Variants in HDGFL3 observed in about 807,000 individuals in gnomAD.
HDGFL3 encodes the protein HDGF like 3.
HDGFL3 carries 6 observed loss-of-function variants against 27.6 expected under a neutral mutation model. The ratio of observed to expected loss-of-function variants is 0.22; its 90% CI spans 0.12 to 0.43. The LOEUF is 0.43. HDGFL3 is among the 20% of genes least tolerant of loss of function. HDGFL3 has a pLI of 1.00. For missense variants in HDGFL3, 207 were observed against 250.1 expected (o/e 0.83, Z 1.16); for synonymous variants, 88 against 88.9 (o/e 0.99, Z 0.05).
chr15:83,127,560 G>A, downstream of HDGFL3: 1 of 1,491,598 alleles, frequency 6.7e-7, no homozygotes, highest in South Asian at 1.2e-5. Context: ...TCTGCTCAGT[G>A]TTTTAGACTA....
At chr15:83,124,664 T>C, downstream of HDGFL3, 1 of 1,612,676 alleles carries the variant, frequency 6.2e-7, no homozygotes, top group Non-Finnish European at 8.5e-7. Context: ...GTACAAACTC[T>C]ATTTTAGGTT....
chr15:83,151,508 G>T, intron 4 of HDGFL3, 147 bp from the exon 5 acceptor site: 1 of 626,116 alleles, frequency 1.6e-6, no homozygotes, highest in Non-Finnish European at 2.6e-6. Context: ...TGCCAAGGCT[G>T]AGCTAGGTGA....
At chr15:83,195,409 A>G (rs1435328891) in intron 1 of HDGFL3, among the ~76,000 whole-genome samples, 2 of 152,108 alleles carry the variant, frequency 1.3e-5, no homozygotes, top group Non-Finnish European at 2.9e-5. Context: ...GATACTGAAT[A>G]AATGTGTCTT....
exon 4 of HDGFL3, chr15:83,113,203 C>T: frequency 2.3e-6 from 1 of 444,372 alleles, no homozygotes; most frequent in South Asian, 2.4e-5. Flanking sequence ...CTAGCTCCTT[C>T]CTGGGCTTCC....
At chr15:83,112,926 T>C (rs747125199) in exon 4 of HDGFL3, 18 of 1,516,508 alleles carry the variant, frequency 1.2e-5, no homozygotes, top group Non-Finnish European at 1.5e-5. Context: ...GGGAAATCTT[T>C]TGTATCTGAT....
intron 1 of HDGFL3, among the ~76,000 whole-genome samples, chr15:83,189,130 C>T (rs1048919266): frequency 6.6e-6 from 1 of 152,128 alleles, no homozygotes; most frequent in Non-Finnish European, 1.5e-5. Context: ...CTATCTACTC[C>T]ACTATCATCC....
At chr15:83,187,570 G>C (rs1036516570) in intron 1 of HDGFL3, among the ~76,000 whole-genome samples, 1 of 152,140 alleles carries the variant, frequency 6.6e-6, no homozygotes, top group African/African-American at 2.4e-5. Context: ...CATTTACCTT[G>C]TTTTCAGTGC....
Position 83,136,774 on chromosome 15 carries a change from G to A in HDGFL3, c.*2496C>T. 4 of 994,698 alleles carry A rather than the reference G, an allele frequency of 4.0e-6. No homozygotes were observed. The highest frequency in any genetic ancestry group is 4.9e-5 in the East Asian group (2 of 40,430). The allele number at this position is 994,698 out of a possible 1,614,324, so 61.6% of individuals were successfully genotyped here. On this transcript the variant is annotated 3_prime_UTR_variant, in exon 6 of 6. Transcript: ENST00000299633. The stretch of plus-strand genomic sequence containing the variant: ...TCTCTTCTCATACGTGAGTACTTAA[G>A]AATATGTACATTCTTGCTCTGCACT...
intron 1 of HDGFL3, among the ~76,000 whole-genome samples, chr15:83,169,414 C>CAAAAAAAAAAAAAACA (rs2037216246): frequency 2.8e-5 from 1 of 35,570 alleles, no homozygotes; most frequent in African/African-American, 8.7e-5. Context: ...GACTCCGTCT[C>CAAAAAAAAAAAAAACA]AAAAAAAAAA....
intron 1 of HDGFL3, among the ~76,000 whole-genome samples, chr15:83,164,880 G>T (rs1227188124): frequency 6.6e-6 from 1 of 152,186 alleles, no homozygotes; most frequent in Non-Finnish European, 1.5e-5. Flanking sequence ...CTCTCCTCAT[G>T]CCATGATTCG....
chr15:83,174,536 G>A (rs2037286241), intron 1 of HDGFL3, among the ~76,000 whole-genome samples: 2 of 149,210 alleles, frequency 1.3e-5, no homozygotes. Context: ...TGTATAATAT[G>A]AATTGTAGTA....
chr15:83,199,703 G>T (rs1182078690), intron 1 of HDGFL3, among the ~76,000 whole-genome samples: 1 of 152,114 alleles, frequency 6.6e-6, no homozygotes, highest in Non-Finnish European at 1.5e-5. Flanking sequence ...ATGTGGTCCA[G>T]TTTATCTTGT....
At chr15:83,166,416 G>T (rs1301775299) in intron 1 of HDGFL3, among the ~76,000 whole-genome samples, 1 of 152,156 alleles carries the variant, frequency 6.6e-6, no homozygotes, top group Non-Finnish European at 1.5e-5. Flanking sequence ...AAGTGCTAAA[G>T]GAATTCGTTA....
chr15:83,184,052 A>G (rs1170518410), intron 1 of HDGFL3, among the ~76,000 whole-genome samples: 1 of 152,238 alleles, frequency 6.6e-6, no homozygotes, highest in Non-Finnish European at 1.5e-5. Flanking sequence ...ATAATCATGT[A>G]CAAAAAGCTA....
chr15:83,165,794 C>CAAAAAAAAA lies in HDGFL3; in HGVS notation c.85-1728_85-1720dup, dbSNP rs57873221. On this transcript the variant is annotated intron_variant, in intron 1 of 5. Transcript: ENST00000299633. ...TGGATGACAGAGCAAGAATCCATCTCAAAAAAAAAAAAAAAAAAAAAAAAA... is the reference window on the plus strand; with the variant it reads ...TGGATGACAGAGCAAGAATCCATCTCAAAAAAAAAAAAAAAAAAAAAAAAAAAAAAAAAA... Among the ~76,000 whole-genome samples, 39 of 13,848 alleles carry CAAAAAAAAA rather than the reference C, an allele frequency of 2.8e-3. 1 individual carries two copies. The highest frequency in any genetic ancestry group is 4.6e-3 in the African/African-American group (26 of 5,602). The allele number at this position is 13,848 out of a possible 152,430, so 9.1% of individuals were successfully genotyped here.
chr15:83,157,226 A>G, intron 4 of HDGFL3, 189 bp downstream of exon 4: 1 of 618,576 alleles, frequency 1.6e-6, no homozygotes, highest in Non-Finnish European at 2.8e-6. Context: ...AGCCCTAAAG[A>G]GTCAATAGTC....
intron 1 of HDGFL3, among the ~76,000 whole-genome samples, chr15:83,188,020 A>C (rs1033046174): frequency 4.6e-5 from 7 of 152,158 alleles, no homozygotes; most frequent in African/African-American, 9.7e-5. Flanking sequence ...ATTTTAGCAG[A>C]TATTACCAGA....
At chr15:83,141,316 G>A (rs2036766579) in intron 5 of HDGFL3, among the ~76,000 whole-genome samples, 1 of 152,132 alleles carries the variant, frequency 6.6e-6, no homozygotes, top group South Asian at 2.1e-4. Flanking sequence ...AGGCTATAGG[G>A]TGGTAGCAAA....
At chr15:83,153,465 GT>G (rs1366551889) in intron 4 of HDGFL3, among the ~76,000 whole-genome samples, 1 of 152,134 alleles carries the variant, frequency 6.6e-6, no homozygotes, top group Non-Finnish European at 1.5e-5. Context: ...CATTACTAGT[GT>G]TTTATTAATG....
Sources: gnomAD v4.1 joint callset for allele counts (sites outside exome capture counted in the v4.1 genomes callset) on GRCh38, gnomAD v4.1.1 for gene constraint, MANE v1.5 for transcripts, NCBI Gene and HGNC (gene_info 2026-07-23, HGNC 2026-07-21) for gene names.